The following CCR3 variants were observed in gnomAD, a reference collection of about 807,000 sequenced individuals.
The protein encoded by CCR3 is C-C chemokine receptor type 3.
For synonymous variants in CCR3, 203 were observed against 179.2 expected, an observed-to-expected ratio of 1.13 and a Z score of -1.06; for missense variants, 419 against 437.5, an observed-to-expected ratio of 0.96 and a Z score of 0.38.
At chr3:46,255,978 T>C (rs1241222519) in intron 1 of CCR3, among the ~76,000 whole-genome samples, 1 of 152,140 alleles carries the variant, frequency 6.6e-6, no homozygotes, top group African/African-American at 2.4e-5. Context: ...AATTTGTAGG[T>C]TGTTTTTTGC....
At chr3:46,251,559 G>T (rs958664819) in intron 1 of CCR3, among the ~76,000 whole-genome samples, 6 of 152,102 alleles carry the variant, frequency 3.9e-5, no homozygotes, top group Non-Finnish European at 8.8e-5. Context: ...GAGGACAGGG[G>T]ATTGATCTCC....
upstream of CCR3, among the ~76,000 whole-genome samples, chr3:46,240,913 C>T (rs1226458647): frequency 3.3e-5 from 5 of 152,074 alleles, no homozygotes; most frequent in African/African-American, 9.7e-5. Context: ...TACTATCAGT[C>T]GAAAATTTTG....
At chr3:46,231,030 TTC>T (rs1699959508) in intron 2 of CCR3, among the ~76,000 whole-genome samples, 1 of 152,198 alleles carries the variant, frequency 6.6e-6, no homozygotes, top group Non-Finnish European at 1.5e-5. Flanking sequence ...GTTCAAACGA[TTC>T]TCTTGCCTCA....
intron 2 of CCR3, among the ~76,000 whole-genome samples, chr3:46,225,012 TA>T (rs1699878588): frequency 6.6e-6 from 1 of 152,202 alleles, no homozygotes; most frequent in African/African-American, 2.4e-5. Context: ...ACTTTATTCA[TA>T]ATAGTCTCAA....
Position 46,263,953 on chromosome 3 carries a change from C to T in CCR3, c.-11-1195C>T, listed in dbSNP as rs567611660. 4.6e-4 allele frequency: 72 copies of T among 155,916 alleles called. 1 individual carries two copies. In the South Asian group the frequency reaches 0.01, roughly 23 times the overall value. The allele number at this position is 155,916 out of a possible 1,614,324, so 9.7% of individuals were successfully genotyped here. A position where few individuals can be genotyped will look rare whatever the true frequency, so the allele number is the denominator to read the frequency against. The stretch of plus-strand genomic sequence containing the variant: ...CAGATTTACCTTGAGAAATGCCCAT[C>T]GGCCTGTATATTCACATCTTCACCC... On this transcript the variant is annotated intron_variant, in intron 1 of 1. Transcript: ENST00000395940.
At chr3:46,218,114 A>G (rs1699796022) in intron 2 of CCR3, among the ~76,000 whole-genome samples, 2 of 152,154 alleles carry the variant, frequency 1.3e-5, no homozygotes. Flanking sequence ...AAGTAAGCTC[A>G]ATTAGAAATG....
chr3:46,243,429 G>A (rs1162909293), intron 1 of CCR3, among the ~76,000 whole-genome samples: 1 of 152,044 alleles, frequency 6.6e-6, no homozygotes, highest in Non-Finnish European at 1.5e-5. Flanking sequence ...TTTATTTGAA[G>A]TTTTCATTGA....
chr3:46,238,441 A>G (rs1700044466), upstream of CCR3, among the ~76,000 whole-genome samples: 1 of 150,194 alleles, frequency 6.7e-6, no homozygotes, highest in South Asian at 2.2e-4. Context: ...AGTGCAGTGC[A>G]TTTACTAGGG....
At chr3:46,251,059 G>A (rs1226980518) in intron 1 of CCR3, among the ~76,000 whole-genome samples, 2 of 151,436 alleles carry the variant, frequency 1.3e-5, no homozygotes, top group African/African-American at 4.9e-5. Context: ...GGGTTGAGGG[G>A]TACTTGCCCC....
Position 46,265,739 on chromosome 3 carries a change from G to T in CCR3, c.581G>T (p.Ser194Ile). The change falls in exon 2 of 2, where the codon AGC (serine) becomes ATC (isoleucine). Residue 194 changes from serine to isoleucine, a missense_variant. Physicochemically the swap from Ser to Ile is moderately radical, Grantham distance 142. Transcript: ENST00000395940. ...CTTTACCCAGAGGATACAGTATATA[G>T]CTGGAGGCATTTCCACACTCTGAGA... is the stretch of plus-strand genomic sequence containing the variant. Reference protein sequence around the residue: ...SALYPEDTVYSWRHFHTLRMT... With the variant: ...SALYPEDTVYIWRHFHTLRMT... The T allele has an allele frequency of 6.2e-7, 1 of 1,613,796 alleles. No homozygotes were observed. Among genetic ancestry groups the T allele is most frequent in the Non-Finnish European group, 8.5e-7 (1 of 1,179,952 alleles).
intron 2 of CCR3, among the ~76,000 whole-genome samples, chr3:46,225,824 G>A (rs1699888301): frequency 6.6e-6 from 1 of 152,166 alleles, no homozygotes; most frequent in African/African-American, 2.4e-5. Flanking sequence ...TGTTAGATAT[G>A]TTGTTTGCAT....
chr3:46,241,298 T>G (rs1403944048), upstream of CCR3, among the ~76,000 whole-genome samples: 1 of 152,196 alleles, frequency 6.6e-6, no homozygotes, highest in East Asian at 1.9e-4. Context: ...CTTTGGTGCA[T>G]TACACTCATT....
chr3:46,252,169 CTT>C lies in CCR3; in HGVS notation c.-12+9654_-12+9655del, dbSNP rs58623050. Among the ~76,000 whole-genome samples, 238 of 86,852 alleles carry C rather than the reference CTT, an allele frequency of 2.7e-3. 1 individual carries two copies. The Middle Eastern group carries it at 0.029, about 11-fold the overall frequency. The allele number at this position is 86,852 out of a possible 152,430, so 57.0% of individuals were successfully genotyped here. On this transcript the variant is annotated intron_variant, in intron 1 of 1. Transcript: ENST00000395940. ...CAATAGCCATGAGGCTAGTTTCTGT[CTT>C]TTTTTTTTTTTTTTTTTTTTTTGAG...
At chr3:46,244,205 T>C (rs1700149163) in intron 1 of CCR3, among the ~76,000 whole-genome samples, 1 of 152,232 alleles carries the variant, frequency 6.6e-6, no homozygotes, top group South Asian at 2.1e-4. Context: ...GTGAATAACT[T>C]AATCACACAA....
At chr3:46,236,311 A>G (rs1700023749) in intron 2 of CCR3, among the ~76,000 whole-genome samples, 1 of 152,222 alleles carries the variant, frequency 6.6e-6, no homozygotes, top group Non-Finnish European at 1.5e-5. Flanking sequence ...AACTCAGAGC[A>G]GCAGAGAGAA....
rs766991924 is a variant in CCR3, at chr3:46,265,224, G to T, written c.66G>T (p.Leu22=). The change falls in exon 2 of 2, where the codon CTG becomes CTT. Residue 22 remains leucine, a synonymous_variant. Coordinates refer to ENST00000395940, the MANE Select transcript of CCR3 (RefSeq NM_178329.3). Reference sequence around the variant, plus strand: ...CATCCTACTATGATGACGTGGGCCTGCTCTGTGAAAAAGCTGATACCAGAG... The same window carrying T: ...CATCCTACTATGATGACGTGGGCCTTCTCTGTGAAAAAGCTGATACCAGAG... ...GTTSYYDDVG[L]LCEKADTRAL... 2 of 1,614,076 alleles carry T rather than the reference G, an allele frequency of 1.2e-6. No homozygotes were observed. The highest frequency in any genetic ancestry group is 2.2e-5 in the South Asian group (2 of 91,078).
intron 1 of CCR3, among the ~76,000 whole-genome samples, chr3:46,259,480 T>C (rs1700484799): frequency 6.6e-6 from 1 of 152,198 alleles, no homozygotes; most frequent in South Asian, 2.1e-4. Flanking sequence ...TACCAGGACA[T>C]ATCTGATATT....
At chr3:46,232,617 C>T (rs1432573862) in intron 2 of CCR3, among the ~76,000 whole-genome samples, 1 of 152,146 alleles carries the variant, frequency 6.6e-6, no homozygotes, top group Non-Finnish European at 1.5e-5. Flanking sequence ...GTGGGAGGGG[C>T]ATGTTCATGG....
chr3:46,244,777 T>A (rs1020668100), intron 1 of CCR3, among the ~76,000 whole-genome samples: 4 of 152,166 alleles, frequency 2.6e-5, no homozygotes, highest in African/African-American at 9.7e-5. Flanking sequence ...TATGTGCAAG[T>A]CACAGGGGAT....
Sources: allele counts gnomAD v4.1 joint callset (sites outside exome capture counted in the v4.1 genomes callset), GRCh38; gene constraint gnomAD v4.1.1; transcripts MANE v1.5; gene names NCBI Gene and HGNC (gene_info 2026-07-23, HGNC 2026-07-21).